Variants in ANO4 observed in about 807,000 individuals in gnomAD.
ANO4 encodes the protein anoctamin 4.
Under a neutral mutation model 141.9 loss-of-function variants are expected in ANO4, and 69 were observed. That is an observed-to-expected ratio of 0.49 (90% confidence interval 0.40 to 0.59). The LOEUF (loss-of-function observed/expected upper bound fraction) is 0.59. Ranked by LOEUF, ANO4 falls within the 20% of genes least tolerant of loss-of-function variation. ANO4 has a pLI of 0.00. For missense variants in ANO4, 894 were observed against 1,162.2 expected (o/e 0.77, Z 3.36); for synonymous variants, 350 against 394.3 (o/e 0.89, Z 1.33).
At chr12:101,057,400 T>G (rs2048168191) in intron 14 of ANO4, among the ~76,000 whole-genome samples, 1 of 152,232 alleles carries the variant, frequency 6.6e-6, no homozygotes. Flanking sequence ...AAATGGTATT[T>G]CTGGTTCTAG....
At chr12:100,770,100 A>G (rs780242319) in intron 3 of ANO4, among the ~76,000 whole-genome samples, 31 of 152,232 alleles carry the variant, frequency 2.0e-4, no homozygotes, top group Non-Finnish European at 3.4e-4. Context: ...ATAGCTATGT[A>G]ACACCGTGTT....
chr12:100,907,083 G>A (rs1377553122), intron 2 of ANO4, among the ~76,000 whole-genome samples: 3 of 152,178 alleles, frequency 2.0e-5, no homozygotes, highest in African/African-American at 4.8e-5. Flanking sequence ...AGGATAATTA[G>A]CATCAGCCTT....
chr12:100,770,407 T>C (rs1242719675), intron 3 of ANO4, among the ~76,000 whole-genome samples: 1 of 152,270 alleles, frequency 6.6e-6, no homozygotes, highest in Admixed American at 6.5e-5. Flanking sequence ...ATTACATGGA[T>C]TTTGATTTTC....
chr12:100,888,779 C>T (rs898613421), intron 1 of ANO4, among the ~76,000 whole-genome samples: 3 of 152,042 alleles, frequency 2.0e-5, no homozygotes, highest in Non-Finnish European at 4.4e-5. Flanking sequence ...ATGAGGAAAA[C>T]GAGGCCCAGA....
chr12:100,901,245 A>G (rs549771254), intron 1 of ANO4, among the ~76,000 whole-genome samples: 2 of 152,352 alleles, frequency 1.3e-5, no homozygotes, highest in African/African-American at 4.8e-5. Flanking sequence ...CTCAAGATGC[A>G]TATAATTCTA....
intron 25 of ANO4, among the ~76,000 whole-genome samples, chr12:101,118,538 G>A (rs143930870): frequency 5.9e-5 from 9 of 152,134 alleles, no homozygotes; most frequent in South Asian, 4.2e-4. Context: ...ATCAGCTTGC[G>A]GGCTGAAAAT....
intron 1 of ANO4, among the ~76,000 whole-genome samples, chr12:100,873,397 A>G (rs1380721385): frequency 6.6e-6 from 1 of 152,204 alleles, no homozygotes; most frequent in Non-Finnish European, 1.5e-5. Flanking sequence ...CAATATGGTC[A>G]ATGAGGTCCA....
intron 5 of ANO4, among the ~76,000 whole-genome samples, chr12:100,966,561 C>G (rs1395080601): frequency 6.6e-6 from 1 of 152,118 alleles, no homozygotes; most frequent in African/African-American, 2.4e-5. Flanking sequence ...CTTTGTATCT[C>G]TGGCCCAGAC....
chr12:100,982,975 G>A (rs959156293), intron 7 of ANO4, among the ~76,000 whole-genome samples: 4 of 152,224 alleles, frequency 2.6e-5, no homozygotes, highest in South Asian at 4.1e-4. Context: ...AGGCCACACT[G>A]ATGTATGACC....
intron 1 of ANO4, among the ~76,000 whole-genome samples, chr12:100,803,950 T>C (rs2034845083): frequency 6.6e-6 from 1 of 152,152 alleles, no homozygotes; most frequent in Non-Finnish European, 1.5e-5. Context: ...GAGCTTTTTT[T>C]TTTTCTTCTT....
intron 1 of ANO4, among the ~76,000 whole-genome samples, chr12:100,877,153 G>A (rs943481393): frequency 2.0e-5 from 3 of 152,044 alleles, no homozygotes; most frequent in Non-Finnish European, 2.9e-5. Context: ...GTTGTTCAAC[G>A]GGCACAAAGT....
At chr12:100,942,334 T>C (rs1178967330) in intron 4 of ANO4, 43 bp from the exon 5 acceptor site, 4 of 1,584,456 alleles carry the variant, frequency 2.5e-6, no homozygotes, top group Non-Finnish European at 3.4e-6. Context: ...TGAACCTCAA[T>C]TTGATGAATG....
Position 100,751,280 on chromosome 12 carries a change from A to T in ANO4, c.358+11175A>T, listed in dbSNP as rs555596574. Among the ~76,000 whole-genome samples, 38 of 152,238 alleles carry T rather than the reference A, an allele frequency of 2.5e-4. 1 individual carries two copies. The highest frequency in any genetic ancestry group is 2.5e-3 in the Admixed American group (38 of 15,286). On this transcript the variant is annotated intron_variant, in intron 3 of 29. Transcript: ENST00000644049. Reference sequence around the variant, plus strand: ...TTAGAAAGATCTACGCGGGAAAGCAAGTGGGAGAGAATGGTGGAATTCTCA... The same window carrying T: ...TTAGAAAGATCTACGCGGGAAAGCATGTGGGAGAGAATGGTGGAATTCTCA...
chr12:100,755,228 G>A (rs747988575), intron 3 of ANO4, among the ~76,000 whole-genome samples: 3 of 152,136 alleles, frequency 2.0e-5, no homozygotes, highest in Non-Finnish European at 4.4e-5. Flanking sequence ...TCTTCCTGGT[G>A]TACTGTTAAC....
chr12:100,931,353 T>A (rs2042082475), intron 3 of ANO4, among the ~76,000 whole-genome samples: 2 of 152,174 alleles, frequency 1.3e-5, no homozygotes, highest in Admixed American at 1.3e-4. Flanking sequence ...CAGATAAATG[T>A]TGAAATGGCA....
intron 14 of ANO4, among the ~76,000 whole-genome samples, chr12:101,072,623 C>A (rs2048860146): frequency 6.6e-6 from 1 of 151,920 alleles, no homozygotes; most frequent in Admixed American, 6.6e-5. Context: ...TTCTGCACAG[C>A]AAAAGAAAGT....
At chr12:101,103,218 T>C (rs1332389766) in intron 22 of ANO4, among the ~76,000 whole-genome samples, 1 of 126,874 alleles carries the variant, frequency 7.9e-6, no homozygotes, top group Admixed American at 8.2e-5. Flanking sequence ...TATATATATA[T>C]ATATATATAT....
chr12:101,125,136 C>G (rs1251183920), intron 26 of ANO4, among the ~76,000 whole-genome samples: 2 of 152,176 alleles, frequency 1.3e-5, no homozygotes, highest in Non-Finnish European at 2.9e-5. Context: ...TGTGTCCTTT[C>G]TGATTTCCTT....
chr12:100,985,385 C>T (rs531246530), intron 7 of ANO4, among the ~76,000 whole-genome samples: 1 of 152,344 alleles, frequency 6.6e-6, no homozygotes, highest in African/African-American at 2.4e-5. Context: ...GTATACCAGA[C>T]AGTTCTAAAG....
Sources: gnomAD v4.1 joint callset for allele counts (sites outside exome capture counted in the v4.1 genomes callset) on GRCh38, gnomAD v4.1.1 for gene constraint, MANE v1.5 for transcripts, NCBI Gene and HGNC (gene_info 2026-07-23, HGNC 2026-07-21) for gene names.